Variants in WDR17 observed in about 807,000 individuals in gnomAD.
WDR17 encodes the protein WD repeat domain 17.
In WDR17, 143 loss-of-function variants were observed where a neutral mutation model predicts 161.7. That is an observed-to-expected ratio of 0.88 (90% confidence interval 0.77 to 1.02). WDR17 has a LOEUF of 1.02. Ranked by LOEUF, WDR17 falls within the 50% of genes least tolerant of loss-of-function variation. WDR17 has a pLI of 0.00. For missense variants in WDR17, 1,469 were observed against 1,520.9 expected (o/e 0.97, Z 0.57); for synonymous variants, 517 against 515.6 (o/e 1.00, Z -0.04).
chr4:176,168,892 T>C (rs1750283212), intron 23 of WDR17, 109 bp downstream of exon 23: 2 of 1,293,922 alleles, frequency 1.5e-6, no homozygotes, highest in African/African-American at 3.0e-5. Context: ...GTGTGGTCCC[T>C]TTGGGGTACC....
At chr4:176,168,037 C>T (rs1483955966) in intron 22 of WDR17, among the ~76,000 whole-genome samples, 1 of 151,778 alleles carries the variant, frequency 6.6e-6, no homozygotes, top group Non-Finnish European at 1.5e-5. Flanking sequence ...ATCCCAGCTA[C>T]TCAGGAGGCT....
chr4:176,171,866 A>C (rs1413415371), intron 23 of WDR17, among the ~76,000 whole-genome samples: 1 of 152,182 alleles, frequency 6.6e-6, no homozygotes, highest in African/African-American at 2.4e-5. Context: ...CAAAATGTCA[A>C]AGCTAAAAAC....
intron 1 of WDR17, among the ~76,000 whole-genome samples, chr4:176,072,874 G>A (rs1044154679): frequency 2.6e-5 from 4 of 152,080 alleles, no homozygotes; most frequent in Non-Finnish European, 5.9e-5. Context: ...TTGAATCTCT[G>A]CATCCTGGTA....
At position 176,146,030 on chromosome 4, in the gene WDR17, T is replaced by C. The variant is rs1380252498; in HGVS notation, c.1565T>C (p.Val522Ala). Residue 522 changes from valine (V) to alanine (A), a missense_variant, in exon 12 of 29, where the codon GTT becomes GCT. Coordinates refer to ENST00000508596, the MANE Select transcript of WDR17 (RefSeq NM_181265.4). ...MIATGCEDTNVRVYYVATSSD... is the reference protein window; with the variant it reads ...MIATGCEDTNARVYYVATSSD... ...GCCACTGGCTGTGAAGACACAAATG[T>C]TCGTGTTTATTATGTAGCCACCAGC... 3 of 1,613,874 alleles carry C rather than the reference T, an allele frequency of 1.9e-6. No homozygotes were observed. Among genetic ancestry groups the C allele is most frequent in the Non-Finnish European group, 2.5e-6 (3 of 1,179,878 alleles).
At chr4:176,124,988 T>C in intron 4 of WDR17, 116 bp from the exon 5 acceptor site, 3 of 1,205,244 alleles carry the variant, frequency 2.5e-6, no homozygotes, top group Non-Finnish European at 2.3e-6. Context: ...AAGCACCACA[T>C]TTGTATTTTC....
chr4:176,139,039 C>G (rs1437648041), intron 9 of WDR17, among the ~76,000 whole-genome samples: 1 of 151,796 alleles, frequency 6.6e-6, no homozygotes, highest in Non-Finnish European at 1.5e-5. Flanking sequence ...ATTTTTAAAT[C>G]TGCCTGCATA....
Position 176,156,076 on chromosome 4 carries a change from T to C in WDR17, c.2461-3T>C, listed in dbSNP as rs1748082411. The C allele has an allele frequency of 6.2e-7, 1 of 1,613,412 alleles. No individual in the cohort carries two copies. The stretch of plus-strand genomic sequence containing the variant: ...CTCCTGCCCTTTTTGCCTTCTATTG[T>C]AGTGGGACAAAGCCCTGTCAATTGC... On this transcript the variant is annotated splice_region_variant and splice_polypyrimidine_tract_variant and intron_variant, in intron 17 of 28. Transcript: ENST00000508596.
intron 22 of WDR17, among the ~76,000 whole-genome samples, chr4:176,166,807 C>G (rs532258703): frequency 6.6e-6 from 1 of 152,160 alleles, no homozygotes; most frequent in East Asian, 1.9e-4. Context: ...TAACTTGGAA[C>G]CTGCCCAATG....
Position 176,115,827 on chromosome 4 carries a change from AC to A in WDR17, c.156del (p.His52GlnfsTer32), listed in dbSNP as rs747544738. On this transcript the variant is annotated frameshift_variant, in exon 3 of 29. Coordinates refer to ENST00000508596, the MANE Select transcript of WDR17 (RefSeq NM_181265.4). LOFTEE classifies it high-confidence loss of function. ...CACCGTTATAATGAATTCAAACTTC[AC>A]GCAATTATGTCTGAACATAAAAAAA... ...LDHRYNEFKL[H>X]AIMSEHKKTI... 10 of 1,607,656 alleles carry A rather than the reference AC, an allele frequency of 6.2e-6. No homozygotes were observed. The highest frequency in any genetic ancestry group is 1.7e-5 in the Admixed American group (1 of 59,474).
intron 7 of WDR17, among the ~76,000 whole-genome samples, chr4:176,134,498 T>C (rs1744081283): frequency 1.3e-5 from 2 of 151,770 alleles, no homozygotes; most frequent in South Asian, 4.1e-4. Flanking sequence ...CTTGTGGGTG[T>C]TTGGGATCCA....
intron 1 of WDR17, among the ~76,000 whole-genome samples, chr4:176,076,118 T>C (rs1025251693): frequency 6.6e-6 from 1 of 151,490 alleles, no homozygotes; most frequent in Admixed American, 6.6e-5. Flanking sequence ...TACAAAATAC[T>C]TCTTAGTTGC....
At chr4:176,099,031 T>C (rs1430125433) in intron 1 of WDR17, among the ~76,000 whole-genome samples, 1 of 152,086 alleles carries the variant, frequency 6.6e-6, no homozygotes, top group Non-Finnish European at 1.5e-5. Context: ...CAAGATATAC[T>C]CTGAGTTAAA....
At chr4:176,137,421 T>G in intron 8 of WDR17, 99 bp from the exon 9 acceptor site, 1 of 883,640 alleles carries the variant, frequency 1.1e-6, no homozygotes, top group Non-Finnish European at 1.8e-6. Flanking sequence ...AGAACTAGTC[T>G]GCAAATCACA....
At chr4:176,169,203 C>A (rs1056575869) in intron 23 of WDR17, among the ~76,000 whole-genome samples, 3 of 152,032 alleles carry the variant, frequency 2.0e-5, no homozygotes, top group Non-Finnish European at 4.4e-5. Context: ...AACTTAGAAT[C>A]CTTAAAAGAA....
At chr4:176,120,190 T>G (rs1194593192) in intron 4 of WDR17, 93 bp downstream of exon 4, 162 of 963,818 alleles carry the variant, frequency 1.7e-4, no homozygotes, top group Non-Finnish European at 2.3e-4. Flanking sequence ...CAGTCCCCAT[T>G]GTGAATAAAA....
chr4:176,145,071 C>T (rs1745950289), intron 11 of WDR17, among the ~76,000 whole-genome samples: 1 of 152,068 alleles, frequency 6.6e-6, no homozygotes, highest in South Asian at 2.1e-4. Flanking sequence ...GTATTATAAC[C>T]CATGTGACAA....
intron 1 of WDR17, 116 bp from the exon 2 acceptor site, chr4:176,111,459 C>A: frequency 8.9e-7 from 1 of 1,124,312 alleles, no homozygotes; most frequent in Non-Finnish European, 1.2e-6. Context: ...ATTAATAGTA[C>A]TAGTAAAATG....
chr4:176,123,009 A>G (rs1741851495), intron 4 of WDR17, among the ~76,000 whole-genome samples: 1 of 152,142 alleles, frequency 6.6e-6, no homozygotes, highest in Non-Finnish European at 1.5e-5. Flanking sequence ...AAACATTCTC[A>G]TATGAACAGA....
chr4:176,073,067 T>A (rs1482030581), intron 1 of WDR17, among the ~76,000 whole-genome samples: 2 of 152,186 alleles, frequency 1.3e-5, no homozygotes, highest in African/African-American at 4.8e-5. Flanking sequence ...GTATCACCTA[T>A]GAGGACTTCC....
Sources: allele counts gnomAD v4.1 joint callset (sites outside exome capture counted in the v4.1 genomes callset), GRCh38; gene constraint gnomAD v4.1.1; transcripts MANE v1.5; gene names NCBI Gene and HGNC (gene_info 2026-07-23, HGNC 2026-07-21).